The following RNF38 variants were observed in gnomAD, a reference collection of about 807,000 sequenced individuals.
The protein encoded by RNF38 is ring finger protein 38.
A neutral mutation model predicts 67.2 loss-of-function variants in RNF38; 15 were observed. The observed-to-expected ratio is 0.22, with a 90% CI of 0.15 to 0.34. The LOEUF is 0.34. RNF38 is among the 10% of genes least tolerant of loss of function. The probability of loss-of-function intolerance (pLI) is 1.00; values close to 1 mark genes in which losing one functional copy is unlikely to be tolerated. For synonymous variants in RNF38, 220 were observed against 218.8 expected (o/e 1.01, Z -0.05); for missense variants, 524 against 639.9 (o/e 0.82, Z 1.95).
At chr9:36,433,454 C>T (rs1475365526) in intron 1 of RNF38, among the ~76,000 whole-genome samples, 1 of 151,154 alleles carries the variant, frequency 6.6e-6, no homozygotes, top group African/African-American at 2.4e-5. Flanking sequence ...AAAAAGAAAA[C>T]ATAGGGCCAG....
At chr9:36,471,746 G>T (rs1181324940) in intron 1 of RNF38, among the ~76,000 whole-genome samples, 1 of 152,204 alleles carries the variant, frequency 6.6e-6, no homozygotes, top group African/African-American at 2.4e-5. Flanking sequence ...CAGAATTTAT[G>T]AGTTGCACAT....
intron 1 of RNF38, among the ~76,000 whole-genome samples, chr9:36,474,652 G>A (rs1488270115): frequency 2.0e-5 from 3 of 148,178 alleles, no homozygotes; most frequent in East Asian, 2.2e-4. Flanking sequence ...TATAATATGA[G>A]TCCCTTAGGG....
rs538320303 is a variant in RNF38 at position 36,357,233 on chromosome 9, T to C, written c.738+542A>G. The stretch of plus-strand genomic sequence containing the variant: ...GTTAGTGTGAATCTCTACTCTCCTA[T>C]ACTAGCTGTCTCTACGGCACTGAGC... On this transcript the variant is annotated intron_variant, in intron 5 of 11. Transcript: ENST00000259605. 9.8e-5 allele frequency among the ~76,000 whole-genome samples: 15 copies of C among 152,316 alleles called. No homozygotes were observed. In the East Asian group the frequency reaches 2.7e-3, roughly 27 times the overall value.
chr9:36,340,180 T>C (rs1018217490), intron 11 of RNF38, among the ~76,000 whole-genome samples: 1 of 152,162 alleles, frequency 6.6e-6, no homozygotes, highest in Non-Finnish European at 1.5e-5. Context: ...GGTTTCACCA[T>C]GTTGGTCAGG....
intron 10 of RNF38, among the ~76,000 whole-genome samples, chr9:36,342,682 T>C (rs1360114635): frequency 6.6e-6 from 1 of 152,126 alleles, no homozygotes; most frequent in Non-Finnish European, 1.5e-5. Context: ...TAAAAAAAAA[T>C]GGTATTAGAA....
intron 9 of RNF38, among the ~76,000 whole-genome samples, chr9:36,350,811 T>C (rs1421486761): frequency 6.6e-6 from 1 of 152,242 alleles, no homozygotes; most frequent in African/African-American, 2.4e-5. Context: ...AGTGTTTACC[T>C]AATACATGTT....
At chr9:36,387,891 C>A (rs896025200) in intron 2 of RNF38, among the ~76,000 whole-genome samples, 17 of 150,506 alleles carry the variant, frequency 1.1e-4, no homozygotes, top group Non-Finnish European at 1.5e-4. Flanking sequence ...CAAAACAAAA[C>A]AAAAAAAACA....
intron 1 of RNF38, among the ~76,000 whole-genome samples, chr9:36,467,901 T>C (rs768193875): frequency 2.0e-5 from 3 of 152,098 alleles, no homozygotes; most frequent in African/African-American, 7.2e-5. Flanking sequence ...AGTAGGGGAA[T>C]AGAGGCTACA....
chr9:36,451,769 G>C (rs1839454764), intron 1 of RNF38, among the ~76,000 whole-genome samples: 1 of 151,256 alleles, frequency 6.6e-6, no homozygotes, highest in Non-Finnish European at 1.5e-5. Flanking sequence ...CAAAGTGCTG[G>C]GATTACAGGC....
intron 1 of RNF38, among the ~76,000 whole-genome samples, chr9:36,472,568 A>C (rs1466337512): frequency 6.6e-6 from 1 of 152,172 alleles, no homozygotes; most frequent in Non-Finnish European, 1.5e-5. Flanking sequence ...AAGTTCATAT[A>C]ATCTGGCTTT....
chr9:36,352,651 C>T, intron 8 of RNF38, 91 bp downstream of exon 8: 4 of 990,988 alleles, frequency 4.0e-6, no homozygotes, highest in Non-Finnish European at 4.8e-6. Flanking sequence ...AACTAACACA[C>T]CAAAAGCTAT....
intron 1 of RNF38, among the ~76,000 whole-genome samples, chr9:36,446,208 C>T (rs1286440306): frequency 6.6e-6 from 1 of 152,104 alleles, no homozygotes; most frequent in Non-Finnish European, 1.5e-5. Flanking sequence ...GAATTCTGGC[C>T]CCTCAAGTAC....
chr9:36,359,999 C>T (rs1182194292), intron 4 of RNF38, among the ~76,000 whole-genome samples: 1 of 152,042 alleles, frequency 6.6e-6, no homozygotes, highest in Non-Finnish European at 1.5e-5. Context: ...CCTGCCTCAG[C>T]CTCCCAAAGT....
upstream of RNF38, among the ~76,000 whole-genome samples, chr9:36,402,054 G>A (rs1342618674): frequency 6.6e-6 from 1 of 152,188 alleles, no homozygotes; most frequent in Admixed American, 6.5e-5. Context: ...TCCCATATCA[G>A]ACTGAGCACC....
Position 36,483,840 on chromosome 9 carries a change from CAT to C in RNF38, n.241+3466_241+3467del, listed in dbSNP as rs76190400. Among the ~76,000 whole-genome samples, 209 of 152,322 alleles carry C rather than the reference CAT, an allele frequency of 1.4e-3. 8 individuals carry two copies. In the East Asian group the frequency reaches 0.032, roughly 23 times the overall value. On this transcript the variant is annotated intron_variant and non_coding_transcript_variant, in intron 1 of 3. Transcript: ENST00000488058. ...ACTTTGAAACCACATACAGTTGACA[CAT>C]GTGTTAAAATCTGTAAAACCTGATA...
chr9:36,390,102 A>C (rs558132290), intron 2 of RNF38, among the ~76,000 whole-genome samples: 1 of 152,370 alleles, frequency 6.6e-6, no homozygotes, highest in South Asian at 2.1e-4. Context: ...GGTGCCAAGC[A>C]AGTAACTAGT....
chr9:36,409,989 A>G (rs2134193695), intron 2 of RNF38, among the ~76,000 whole-genome samples: 1 of 152,346 alleles, frequency 6.6e-6, no homozygotes, highest in Non-Finnish European at 1.5e-5. Context: ...CTGTTGCAAT[A>G]GTGTCTTGTA....
At chr9:36,438,869 G>A (rs1330093241) in intron 1 of RNF38, among the ~76,000 whole-genome samples, 1 of 152,150 alleles carries the variant, frequency 6.6e-6, no homozygotes, top group Non-Finnish European at 1.5e-5. Context: ...AACAATACAT[G>A]GGGCAAAATA....
chr9:36,450,707 G>T (rs1267537748), intron 1 of RNF38, among the ~76,000 whole-genome samples: 1 of 152,112 alleles, frequency 6.6e-6, no homozygotes, highest in Non-Finnish European at 1.5e-5. Context: ...CTGAGGTCAG[G>T]AGTTTGAGAA....
Sources: allele counts gnomAD v4.1 joint callset (sites outside exome capture counted in the v4.1 genomes callset), GRCh38; gene constraint gnomAD v4.1.1; transcripts MANE v1.5; gene names NCBI Gene and HGNC (gene_info 2026-07-23, HGNC 2026-07-21).